Variants in TSPAN13 observed in about 807,000 individuals in gnomAD.
TSPAN13 encodes the protein tetraspanin 13.
A neutral mutation model predicts 26.9 loss-of-function variants in TSPAN13; 18 were observed. The ratio of observed to expected loss-of-function variants is 0.67; its 90% confidence interval spans 0.46 to 0.99. The LOEUF (loss-of-function observed/expected upper bound fraction) is 0.99, where lower values mean the gene tolerates loss of function less well. Ranked by LOEUF, TSPAN13 falls within the 50% of genes least tolerant of loss-of-function variation. The pLI is 0.00. For synonymous variants in TSPAN13, 116 were observed against 98.4 expected (o/e 1.18, Z -1.06); for missense variants, 201 against 249.6 (o/e 0.81, Z 1.31).
chr7:16,768,202 C>T (rs973563887), intron 1 of TSPAN13, among the ~76,000 whole-genome samples: 2 of 152,228 alleles, frequency 1.3e-5, no homozygotes, highest in Non-Finnish European at 2.9e-5. Context: ...GCGTGAGCCA[C>T]CGCACCTGGC....
intron 1 of TSPAN13, among the ~76,000 whole-genome samples, chr7:16,755,495 T>C (rs1030288155): frequency 7.2e-5 from 11 of 151,996 alleles, no homozygotes; most frequent in African/African-American, 2.4e-4. Context: ...GAGGTATGCT[T>C]ATCACCCTGG....
chr7:16,782,877 A>C (rs140881818), intron 5 of TSPAN13, among the ~76,000 whole-genome samples: 4 of 152,300 alleles, frequency 2.6e-5, no homozygotes, highest in Admixed American at 2.6e-4. Flanking sequence ...ATTGTCTTAC[A>C]GTTTTGGAGA....
intron 1 of TSPAN13, 34 bp downstream of exon 1, chr7:16,754,064 G>T (rs1456051982): frequency 1.2e-6 from 2 of 1,607,566 alleles, no homozygotes; most frequent in East Asian, 4.5e-5. Flanking sequence ...GCTCGCTTGG[G>T]GGCTTTGCAC....
chr7:16,772,910 C>G (rs1784697192), intron 1 of TSPAN13, among the ~76,000 whole-genome samples: 1 of 152,084 alleles, frequency 6.6e-6, no homozygotes, highest in South Asian at 2.1e-4. Flanking sequence ...GTGGGAGAAT[C>G]ACTTGAACGC....
rs3807491 is a variant in TSPAN13 at position 16,765,963 on chromosome 7, C to T, written c.64-10248C>T. Among the ~76,000 whole-genome samples, 548 of 152,300 alleles carry T rather than the reference C, an allele frequency of 3.6e-3. 25 individuals are homozygous for T. The East Asian group carries it at 0.094, about 26-fold the overall frequency. On this transcript the variant is annotated intron_variant, in intron 1 of 5. Transcript: ENST00000262067. ...ACTGGTTTGGAAGACCTCATATAAT[C>T]TTGTTCTCTTCACAATTACAAACCA...
chr7:16,763,768 C>A (rs1784574769), intron 1 of TSPAN13, among the ~76,000 whole-genome samples: 1 of 152,202 alleles, frequency 6.6e-6, no homozygotes, highest in Non-Finnish European at 1.5e-5. Flanking sequence ...TCTGCTGCTG[C>A]TGATGGTCAG....
At chr7:16,770,190 TTTATTTTA>T (rs1341390147) in intron 1 of TSPAN13, among the ~76,000 whole-genome samples, 1 of 150,618 alleles carries the variant, frequency 6.6e-6, no homozygotes, top group African/African-American at 2.4e-5. Flanking sequence ...TTTAATATTT[TTTATTTTA>T]TTATTTTATT....
intron 1 of TSPAN13, among the ~76,000 whole-genome samples, chr7:16,771,344 C>T (rs897018957): frequency 3.5e-4 from 54 of 152,174 alleles, no homozygotes; most frequent in African/African-American, 1.2e-3. Flanking sequence ...GGCTAAATAA[C>T]CACACACTCC....
intron 1 of TSPAN13, among the ~76,000 whole-genome samples, chr7:16,761,828 C>G (rs1388911359): frequency 6.7e-6 from 1 of 149,766 alleles, no homozygotes; most frequent in African/African-American, 2.5e-5. Context: ...AGCCACTGAA[C>G]CTGCCTACCT....
At chr7:16,778,128 A>G (rs936669753) in intron 4 of TSPAN13, among the ~76,000 whole-genome samples, 3 of 152,184 alleles carry the variant, frequency 2.0e-5, no homozygotes, top group African/African-American at 4.8e-5. Context: ...TTGGACACAG[A>G]TGCTAATGGT....
At chr7:16,779,790 G>A (rs1420696846) in intron 5 of TSPAN13, among the ~76,000 whole-genome samples, 1 of 105,078 alleles carries the variant, frequency 9.5e-6, no homozygotes, top group Non-Finnish European at 2.1e-5. Context: ...TTTTTTTTTT[G>A]AGATGGAGTC....
chr7:16,761,690 A>ATTTT (rs35451307), intron 1 of TSPAN13, among the ~76,000 whole-genome samples: 1,625 of 93,398 alleles, frequency 0.017, 3 homozygotes, highest in African/African-American at 0.024. Context: ...CAGCTAATTA[A>ATTTT]TTTTTTTTTT....
intron 2 of TSPAN13, 91 bp from the exon 3 acceptor site, chr7:16,776,951 C>A: frequency 1.3e-6 from 1 of 758,672 alleles, no homozygotes; most frequent in South Asian, 1.9e-5. Flanking sequence ...TTAATTACTT[C>A]TTGTGCATTC....
At chr7:16,757,663 C>T (rs1051239665) in intron 1 of TSPAN13, among the ~76,000 whole-genome samples, 2 of 152,098 alleles carry the variant, frequency 1.3e-5, no homozygotes, top group Non-Finnish European at 2.9e-5. Context: ...TGTGTTCATT[C>T]TTATAACATC....
intron 1 of TSPAN13, among the ~76,000 whole-genome samples, chr7:16,761,690 A>ATTTTTTTTTTTTTTTTTT (rs35451307): frequency 1.1e-5 from 1 of 93,322 alleles, no homozygotes. Flanking sequence ...CAGCTAATTA[A>ATTTTTTTTTTTTTTTTTT]TTTTTTTTTT....
chr7:16,764,183 A>G (rs1469450191), intron 1 of TSPAN13, among the ~76,000 whole-genome samples: 1 of 118,182 alleles, frequency 8.5e-6, no homozygotes. Context: ...ATGCCCAGCT[A>G]ATTTTTTTTT....
At chr7:16,755,041 A>G (rs1784466821) in intron 1 of TSPAN13, among the ~76,000 whole-genome samples, 1 of 152,038 alleles carries the variant, frequency 6.6e-6, no homozygotes, top group Non-Finnish European at 1.5e-5. Flanking sequence ...AGATCTTTCC[A>G]CAGGCTGTCT....
chr7:16,754,046 C>G lies in TSPAN13; in HGVS notation c.63+16C>G. Reference sequence around the variant, plus strand: ...GCTTTACACCGTGAGTATCCCCAGTCCGTTCCTGCTCGCTTGGGGGCTTTG... The same window carrying G: ...GCTTTACACCGTGAGTATCCCCAGTGCGTTCCTGCTCGCTTGGGGGCTTTG... On this transcript the variant is annotated intron_variant, in intron 1 of 5. Coordinates refer to ENST00000262067, the MANE Select transcript of TSPAN13 (RefSeq NM_014399.4). 1 of 1,612,802 alleles carries G rather than the reference C, an allele frequency of 6.2e-7. No homozygotes were observed. The highest frequency in any genetic ancestry group is 8.5e-7 in the Non-Finnish European group (1 of 1,179,212).
At chr7:16,765,645 T>C (rs1784596577) in intron 1 of TSPAN13, among the ~76,000 whole-genome samples, 2 of 152,228 alleles carry the variant, frequency 1.3e-5, no homozygotes, top group Admixed American at 1.3e-4. Context: ...GATTCACCTT[T>C]CTTTGTCTTA....
Sources: gnomAD v4.1 joint callset for allele counts (sites outside exome capture counted in the v4.1 genomes callset) on GRCh38, gnomAD v4.1.1 for gene constraint, MANE v1.5 for transcripts, NCBI Gene and HGNC (gene_info 2026-07-23, HGNC 2026-07-21) for gene names.